The following KAZN variants were observed in gnomAD, a reference collection of about 807,000 sequenced individuals.
The protein encoded by KAZN is kazrin, periplakin interacting protein.
A neutral mutation model predicts 87.4 loss-of-function variants in KAZN; 40 were observed. The ratio of observed to expected loss-of-function variants is 0.46; its 90% CI spans 0.36 to 0.60. The LOEUF is 0.60. KAZN is among the 20% of genes least tolerant of loss of function. KAZN has a pLI of 0.00. For synonymous variants in KAZN, 466 were observed against 458.3 expected (o/e 1.02, Z -0.22); for missense variants, 898 against 1,073.9 (o/e 0.84, Z 2.29).
intron 1 of KAZN, among the ~76,000 whole-genome samples, chr1:14,916,137 A>T (rs1195086235): frequency 2.9e-5 from 4 of 136,254 alleles, no homozygotes; most frequent in Non-Finnish European, 1.6e-5. Flanking sequence ...GTTTGCCATT[A>T]TTATTATTAT....
intron 5 of KAZN, 86 bp from the exon 6 acceptor site, chr1:15,060,086 G>A: frequency 6.5e-7 from 1 of 1,544,794 alleles, no homozygotes; most frequent in East Asian, 2.3e-5. Context: ...CTGTAGAACG[G>A]GGGTGTTGGG....
chr1:14,141,673 T>C (rs908325990), intron 1 of KAZN, among the ~76,000 whole-genome samples: 1 of 152,122 alleles, frequency 6.6e-6, no homozygotes, highest in South Asian at 2.1e-4. Flanking sequence ...GTCGGGTACC[T>C]GCCTGGACGA....
intron 1 of KAZN, among the ~76,000 whole-genome samples, chr1:14,787,164 C>G (rs1275458557): frequency 6.6e-6 from 1 of 152,136 alleles, no homozygotes; most frequent in Non-Finnish European, 1.5e-5. Flanking sequence ...ACCTATGTGA[C>G]CTTGGATGTA....
At chr1:14,217,105 A>G (rs1231782073) in intron 2 of KAZN, among the ~76,000 whole-genome samples, 1 of 152,170 alleles carries the variant, frequency 6.6e-6, no homozygotes, top group Non-Finnish European at 1.5e-5. Flanking sequence ...GGGAAAGTTC[A>G]GCCTCCTTTC....
At chr1:14,664,460 G>T (rs553587193) in intron 1 of KAZN, among the ~76,000 whole-genome samples, 1 of 152,074 alleles carries the variant, frequency 6.6e-6, no homozygotes, top group Non-Finnish European at 1.5e-5. Context: ...CGGTTGCCAG[G>T]GGCAACCATG....
chr1:14,366,473 C>G (rs1168613093), intron 2 of KAZN, among the ~76,000 whole-genome samples: 3 of 152,230 alleles, frequency 2.0e-5, no homozygotes, highest in East Asian at 3.8e-4. Context: ...TTCCTAAGCC[C>G]TTCACTGGCG....
At chr1:15,051,545 C>T (rs1488517255) in intron 4 of KAZN, among the ~76,000 whole-genome samples, 1 of 152,216 alleles carries the variant, frequency 6.6e-6, no homozygotes, top group Non-Finnish European at 1.5e-5. Flanking sequence ...TAATAACAAT[C>T]GCTAATATTT....
intron 2 of KAZN, among the ~76,000 whole-genome samples, chr1:14,402,830 AAC>A (rs1663526735): frequency 6.6e-6 from 1 of 151,688 alleles, no homozygotes; most frequent in Non-Finnish European, 1.5e-5. Context: ...TGGATATAGA[AAC>A]TTTTTTTTTT....
intron 1 of KAZN, among the ~76,000 whole-genome samples, chr1:14,915,981 T>C (rs1419557242): frequency 6.6e-6 from 1 of 152,146 alleles, no homozygotes; most frequent in Non-Finnish European, 1.5e-5. Context: ...TTTGGGTAAG[T>C]GACTTGACCT....
At chr1:14,282,521 A>C (rs952836014) in intron 2 of KAZN, among the ~76,000 whole-genome samples, 7 of 152,166 alleles carry the variant, frequency 4.6e-5, no homozygotes, top group Admixed American at 3.9e-4. Flanking sequence ...GGGGCCAATG[A>C]TTCTCGTTAC....
intron 2 of KAZN, among the ~76,000 whole-genome samples, chr1:14,335,644 G>A (rs1372843565): frequency 6.6e-6 from 1 of 152,130 alleles, no homozygotes; most frequent in Non-Finnish European, 1.5e-5. Context: ...TGTATGGCCT[G>A]CAAAACTGTG....
At chr1:14,262,854 G>C (rs1651187552) in intron 2 of KAZN, among the ~76,000 whole-genome samples, 1 of 152,200 alleles carries the variant, frequency 6.6e-6, no homozygotes, top group Non-Finnish European at 1.5e-5. Flanking sequence ...CTAGAACTGA[G>C]AATAGCTGTT....
chr1:14,810,978 T>C (rs1024327863), intron 1 of KAZN, among the ~76,000 whole-genome samples: 1 of 152,238 alleles, frequency 6.6e-6, no homozygotes, highest in African/African-American at 2.4e-5. Flanking sequence ...TTCCGTCTTT[T>C]CAGATTTGGA....
At chr1:14,874,474 AT>A (rs1384196455) in intron 1 of KAZN, among the ~76,000 whole-genome samples, 9 of 34,498 alleles carry the variant, frequency 2.6e-4, no homozygotes, top group Non-Finnish European at 7.1e-4. Flanking sequence ...GGCTGACTGG[AT>A]GGATGGATGG....
At chr1:14,720,939 G>T (rs1275229920) in intron 1 of KAZN, among the ~76,000 whole-genome samples, 1 of 152,196 alleles carries the variant, frequency 6.6e-6, no homozygotes, top group Non-Finnish European at 1.5e-5. Flanking sequence ...AGACCCTCCA[G>T]CCTGTTTGCC....
intron 2 of KAZN, among the ~76,000 whole-genome samples, chr1:14,218,275 A>G (rs1647002067): frequency 6.8e-6 from 1 of 146,514 alleles, no homozygotes; most frequent in South Asian, 2.2e-4. Context: ...ATCCTGTGGT[A>G]CTGAATTTAA....
intron 2 of KAZN, among the ~76,000 whole-genome samples, chr1:14,456,680 T>C (rs1235805818): frequency 6.6e-6 from 1 of 152,202 alleles, no homozygotes; most frequent in African/African-American, 2.4e-5. Flanking sequence ...ATCTCCCTTC[T>C]TCTCCACAAA....
intron 2 of KAZN, among the ~76,000 whole-genome samples, chr1:14,543,353 A>G (rs1672932840): frequency 6.6e-6 from 1 of 152,168 alleles, no homozygotes; most frequent in Non-Finnish European, 1.5e-5. Context: ...ACAATGCCCC[A>G]AGCTTCACTG....
At position 14,997,629 on chromosome 1, in the gene KAZN, A is replaced by G. The variant is rs148867412; in HGVS notation, c.418+36754A>G. On this transcript the variant is annotated intron_variant, in intron 2 of 14. Transcript: ENST00000376030. The stretch of plus-strand genomic sequence containing the variant: ...TGTCTGATGTATCCCCAGCAGCCTC[A>G]CACACCCAGAACAACGTGGATTCTC... Among the ~76,000 whole-genome samples, 380 of 152,264 alleles carry G rather than the reference A, an allele frequency of 2.5e-3. 6 individuals are homozygous for G. Among genetic ancestry groups the G allele is most frequent in the African/African-American group, 8.4e-3 (350 of 41,548 alleles).
Sources: gnomAD v4.1 joint callset for allele counts (sites outside exome capture counted in the v4.1 genomes callset) on GRCh38, gnomAD v4.1.1 for gene constraint, MANE v1.5 for transcripts, NCBI Gene and HGNC (gene_info 2026-07-23, HGNC 2026-07-21) for gene names.